NR3C2: variants seen among roughly 807,000 people sequenced by gnomAD.
NR3C2 encodes the protein nuclear receptor subfamily 3 group C member 2.
A neutral mutation model predicts 86.4 loss-of-function variants in NR3C2; 15 were observed. That is an observed-to-expected ratio of 0.17 (90% CI 0.12 to 0.27). The LOEUF (loss-of-function observed/expected upper bound fraction) is 0.27, where lower values mean the gene tolerates loss of function less well. Among genes scored for constraint, NR3C2 ranks in the 10% least tolerant of loss-of-function variants. NR3C2 has a pLI of 1.00. For synonymous variants in NR3C2, 458 were observed against 450.5 expected, an observed-to-expected ratio of 1.02 and a Z score of -0.21; for missense variants, 960 against 1,195.6, an observed-to-expected ratio of 0.80 and a Z score of 2.91.
At chr4:148,366,783 A>T (rs1043845938) in intron 2 of NR3C2, among the ~76,000 whole-genome samples, 14 of 152,158 alleles carry the variant, frequency 9.2e-5, no homozygotes, top group Non-Finnish European at 1.6e-4. Flanking sequence ...CCCCAAAAAA[A>T]CCCAGGCAAG....
chr4:148,087,319 G>A (rs901788237), intron 8 of NR3C2, among the ~76,000 whole-genome samples: 12 of 152,136 alleles, frequency 7.9e-5, no homozygotes, highest in Admixed American at 4.6e-4. Context: ...TGGCCGTACT[G>A]CCCAAAGTAA....
intron 2 of NR3C2, among the ~76,000 whole-genome samples, chr4:148,366,436 T>TTTTTAAAAAGTACTTTTTAAAAAGAATAC (rs1746117237): frequency 2.3e-5 from 2 of 86,718 alleles, no homozygotes; most frequent in African/African-American, 7.1e-5. Flanking sequence ...AAAAGAATAC[T>TTTTTAAAAAGTACTTTTTAAAAAGAATAC]TTTTTAAAAG....
intron 2 of NR3C2, among the ~76,000 whole-genome samples, chr4:148,358,562 G>A (rs921632299): frequency 6.6e-6 from 1 of 151,248 alleles, no homozygotes; most frequent in Admixed American, 6.6e-5. Context: ...CATGGCACAT[G>A]TATACATATG....
intron 6 of NR3C2, among the ~76,000 whole-genome samples, chr4:148,146,092 T>C (rs188327774): frequency 6.6e-6 from 1 of 151,408 alleles, no homozygotes; most frequent in Admixed American, 6.6e-5. Flanking sequence ...GAAGGGGAAG[T>C]GGGCTGGGGA....
chr4:148,371,826 C>T (rs1746436385), intron 2 of NR3C2, among the ~76,000 whole-genome samples: 1 of 152,148 alleles, frequency 6.6e-6, no homozygotes, highest in Non-Finnish European at 1.5e-5. Context: ...TGCTTAAAGT[C>T]ATAAGCTAGT....
intron 3 of NR3C2, among the ~76,000 whole-genome samples, chr4:148,201,887 A>AT (rs1736741044): frequency 6.6e-6 from 1 of 152,138 alleles, no homozygotes; most frequent in Non-Finnish European, 1.5e-5. Flanking sequence ...TCAGGGTAGT[A>AT]CCCTTTTATC....
At chr4:148,155,046 A>T in intron 4 of NR3C2, 145 bp from the exon 5 acceptor site, 1 of 691,010 alleles carries the variant, frequency 1.4e-6, no homozygotes, top group Non-Finnish European at 2.5e-6. Flanking sequence ...GAGAAAATAT[A>T]TAAAGCTCAA....
chr4:148,260,922 GT>G (rs1205642592), intron 2 of NR3C2, among the ~76,000 whole-genome samples: 1 of 152,152 alleles, frequency 6.6e-6, no homozygotes, highest in Non-Finnish European at 1.5e-5. Flanking sequence ...TAAACAAAAT[GT>G]TTTAACTTCT....
chr4:148,168,473 G>A (rs1734981108), intron 4 of NR3C2, among the ~76,000 whole-genome samples: 2 of 152,360 alleles, frequency 1.3e-5, no homozygotes, highest in Admixed American at 1.3e-4. Context: ...GATAGAGGTG[G>A]CATGTACACG....
intron 4 of NR3C2, among the ~76,000 whole-genome samples, chr4:148,193,246 C>T (rs1322226257): frequency 1.3e-5 from 2 of 152,198 alleles, no homozygotes; most frequent in African/African-American, 2.4e-5. Flanking sequence ...AACAGACCTT[C>T]AGCTTCTCCA....
chr4:148,341,148 A>G (rs561723030), intron 2 of NR3C2, among the ~76,000 whole-genome samples: 23 of 152,294 alleles, frequency 1.5e-4, no homozygotes, highest in South Asian at 1.0e-3. Context: ...CTGCACTCCC[A>G]TATTTATTGC....
chr4:148,281,254 T>C (rs3857082), intron 2 of NR3C2, among the ~76,000 whole-genome samples: 1,760 of 152,292 alleles, frequency 0.012, 30 homozygotes, highest in African/African-American at 0.04. Flanking sequence ...GCATATTTTA[T>C]TTTCCTCCAC....
At chr4:148,441,777 A>G (rs760905588) in intron 1 of NR3C2, among the ~76,000 whole-genome samples, 1 of 152,006 alleles carries the variant, frequency 6.6e-6, no homozygotes, top group Non-Finnish European at 1.5e-5. Context: ...TATGCGCTAC[A>G]CCTCCGGCTG....
chr4:148,300,670 T>TCCAGCAATTCTCCTGCCTC (rs1416601198), intron 2 of NR3C2, among the ~76,000 whole-genome samples: 1 of 150,936 alleles, frequency 6.6e-6, no homozygotes, highest in Non-Finnish European at 1.5e-5. Context: ...CCTCCTGGGT[T>TCCAGCAATTCTCCTGCCTC]CCAGCAATTC....
chr4:148,299,297 TC>T (rs1348888033), intron 2 of NR3C2, among the ~76,000 whole-genome samples: 1 of 152,154 alleles, frequency 6.6e-6, no homozygotes, highest in Non-Finnish European at 1.5e-5. Flanking sequence ...AAAAATCTTT[TC>T]CCCTTTTTTT....
chr4:148,189,479 G>A (rs1192591288), intron 4 of NR3C2, among the ~76,000 whole-genome samples: 1 of 152,120 alleles, frequency 6.6e-6, no homozygotes, highest in Non-Finnish European at 1.5e-5. Context: ...ATGTGCATCG[G>A]CGATATCAGT....
chr4:148,244,405 G>A (rs1187510570), intron 3 of NR3C2, among the ~76,000 whole-genome samples: 1 of 152,152 alleles, frequency 6.6e-6, no homozygotes, highest in African/African-American at 2.4e-5. Flanking sequence ...TGCTACACTC[G>A]AAATTGTAGC....
intron 2 of NR3C2, among the ~76,000 whole-genome samples, chr4:148,411,798 G>C (rs2126571026): frequency 6.6e-6 from 1 of 152,302 alleles, no homozygotes; most frequent in South Asian, 2.1e-4. Context: ...TTAGACTTCA[G>C]TGTTGCTAGA....
intron 2 of NR3C2, among the ~76,000 whole-genome samples, chr4:148,366,562 C>G (rs554860037): frequency 3.8e-3 from 23 of 6,122 alleles, no homozygotes; most frequent in Middle Eastern, 0.031. Flanking sequence ...AATTTCAAGA[C>G]ACAAGTACCA....
Sources: allele counts gnomAD v4.1 joint callset (sites outside exome capture counted in the v4.1 genomes callset), GRCh38; gene constraint gnomAD v4.1.1; transcripts MANE v1.5; gene names NCBI Gene and HGNC (gene_info 2026-07-23, HGNC 2026-07-21).